COLEC11: variants seen among roughly 807,000 people sequenced by gnomAD.
The protein encoded by COLEC11 is collectin-11.
COLEC11 carries 20 observed loss-of-function variants against 27.3 expected under a neutral mutation model. The observed-to-expected ratio is 0.73, with a 90% confidence interval of 0.51 to 1.06. The LOEUF is 1.06. Among genes scored for constraint, COLEC11 ranks in the 50% least tolerant of loss-of-function variants. The pLI is 0.00. For synonymous variants in COLEC11, 163 were observed against 154.7 expected, an observed-to-expected ratio of 1.05 and a Z score of -0.40; for missense variants, 310 against 383.0, an observed-to-expected ratio of 0.81 and a Z score of 1.59.
chr2:3,642,346 T>C (rs1665932597), intron 5 of COLEC11, among the ~76,000 whole-genome samples: 1 of 152,104 alleles, frequency 6.6e-6, no homozygotes, highest in African/African-American at 2.4e-5. Context: ...CGGAATGAGC[T>C]CATTGAGAAT....
chr2:3,638,506 C>T (rs1665605469), intron 4 of COLEC11, among the ~76,000 whole-genome samples: 1 of 152,204 alleles, frequency 6.6e-6, no homozygotes, highest in African/African-American at 2.4e-5. Context: ...CTACCTCATT[C>T]ATCTGCCTCG....
chr2:3,616,626 G>T (rs992038395), intron 3 of COLEC11, among the ~76,000 whole-genome samples: 1 of 152,266 alleles, frequency 6.6e-6, no homozygotes, highest in Admixed American at 6.5e-5. Flanking sequence ...AGGCATGGCG[G>T]CGCACGCCTG....
At chr2:3,619,657 G>A (rs139730510) in intron 3 of COLEC11, among the ~76,000 whole-genome samples, 15 of 152,268 alleles carry the variant, frequency 9.9e-5, no homozygotes, top group Non-Finnish European at 1.8e-4. Context: ...ACGGAGTCTT[G>A]CTCTGTTGCC....
chr2:3,604,456 T>C lies in COLEC11; in HGVS notation c.116T>C (p.Val39Ala), dbSNP rs755250559. Reference sequence around the variant, plus strand: ...GACGCCTGCTCTGTGCAGATCCTCGTCCCTGGCCTCAAAGGTAACCGCTCC... The same window carrying C: ...GACGCCTGCTCTGTGCAGATCCTCGCCCCTGGCCTCAAAGGTAACCGCTCC... ...GDDACSVQIL[V>A]PGLKGDAGEK... Residue 39 changes from valine to alanine, a missense_variant, in exon 2 of 7, where the codon GTC (valine) becomes GCC (alanine). By Grantham distance (64) the Val-to-Ala change is moderately conservative. Coordinates refer to ENST00000349077, the MANE Select transcript of COLEC11 (RefSeq NM_024027.5). 2.7e-5 allele frequency: 43 copies of C among 1,613,984 alleles called. No individual in the cohort carries two copies. The South Asian group carries it at 4.6e-4, about 17-fold the overall frequency.
chr2:3,613,965 T>G (rs943125326), intron 3 of COLEC11, among the ~76,000 whole-genome samples: 8 of 70,004 alleles, frequency 1.1e-4, no homozygotes, highest in African/African-American at 2.6e-4. Flanking sequence ...GTTTTTTCTT[T>G]TTCTTTCTTT....
Position 3,602,814 on chromosome 2 carries a change from C to A in COLEC11, c.-26-1501C>A, listed in dbSNP as rs560592077. 6.6e-6 allele frequency among the ~76,000 whole-genome samples: 1 copy of A among 152,338 alleles called. No individual in the cohort carries two copies. Among genetic ancestry groups the A allele is most frequent in the Admixed American group, 6.5e-5 (1 of 15,302 alleles). On this transcript the variant is annotated intron_variant, in intron 1 of 6. Coordinates refer to ENST00000349077, the MANE Select transcript of COLEC11 (RefSeq NM_024027.5). The surrounding 1 kb of genome is among the most constrained non-coding windows in gnomAD (Gnocchi z 6.2). Reference sequence around the variant, plus strand: ...CAAGGCTTTCTCTGAGCCGCCCTCACCCACCTGTCAGCGAGGCTTCCCTGG... The same window carrying A: ...CAAGGCTTTCTCTGAGCCGCCCTCAACCACCTGTCAGCGAGGCTTCCCTGG...
chr2:3,598,047 T>G (rs924226156), intron 1 of COLEC11, among the ~76,000 whole-genome samples: 3 of 152,196 alleles, frequency 2.0e-5, no homozygotes, highest in African/African-American at 7.2e-5. Context: ...GCGATTCTCC[T>G]GCCTCAGCCT....
At chr2:3,641,279 G>A in intron 5 of COLEC11, 1 of 1,304,156 alleles carries the variant, frequency 7.7e-7, no homozygotes, top group Non-Finnish European at 1.0e-6. Context: ...ACGGCTGCTT[G>A]GAAGGTGTGC....
rs376562763 is a variant in COLEC11, at chr2:3,642,639, C to G, written c.329-805C>G. Among the ~76,000 whole-genome samples the G allele has an allele frequency of 2.6e-4, 39 of 152,374 alleles. 2 individuals are homozygous for G. In the East Asian group the frequency reaches 5.4e-3, roughly 21 times the overall value. ...CTCACGTGTGCAGCTCCCCAGAGTT[C>G]TGTACCCCGGGCCCCTGTCTTTCCC... On this transcript the variant is annotated intron_variant, in intron 5 of 6. Transcript: ENST00000349077.
rs3739147 is a variant in COLEC11 at position 3,606,254 on chromosome 2, T to C, written c.130+1784T>C. 1,083,303 of 1,548,874 alleles carry C rather than the reference T, an allele frequency of 0.7. 382,192 individuals are homozygous for C. Among genetic ancestry groups the C allele is most frequent in the South Asian group, 0.88 (74,248 of 84,028 alleles). On this transcript the variant is annotated intron_variant, in intron 2 of 6. Transcript: ENST00000349077. ...CCTGCGCCCTGCCAGGTCAGTAGCC[T>C]GCACTGGTGGGGGCCGTGGGGTGGG...
intron 3 of COLEC11, among the ~76,000 whole-genome samples, chr2:3,621,042 C>T (rs752951973): frequency 2.6e-5 from 4 of 152,152 alleles, no homozygotes; most frequent in Non-Finnish European, 5.9e-5. Flanking sequence ...TAGCTCCATT[C>T]GGTCTAAAGT....
intron 4 of COLEC11, among the ~76,000 whole-genome samples, chr2:3,639,687 A>G (rs1665701177): frequency 1.3e-5 from 2 of 152,198 alleles, no homozygotes; most frequent in African/African-American, 2.4e-5. Context: ...TTGGACGTTG[A>G]GGAGAACTGA....
intron 1 of COLEC11, among the ~76,000 whole-genome samples, chr2:3,598,163 T>C (rs1661986154): frequency 6.6e-6 from 1 of 152,176 alleles, no homozygotes; most frequent in Admixed American, 6.5e-5. Flanking sequence ...CTCGAACTCC[T>C]GACCTCAGGT....
intron 2 of COLEC11, chr2:3,605,057 G>A (rs957912742): frequency 1.0e-4 from 48 of 470,818 alleles, no homozygotes; most frequent in Non-Finnish European, 1.8e-4. Flanking sequence ...CTGAGGCTGC[G>A]GTATCTGAAG....
At chr2:3,643,602 G>A (rs774066821) in intron 6 of COLEC11, 63 bp downstream of exon 6, 130 of 1,597,044 alleles carry the variant, frequency 8.1e-5, no homozygotes, top group South Asian at 1.5e-4. Flanking sequence ...TGAGCCCCCC[G>A]GCAAGGGCTC....
At chr2:3,629,653 T>C (rs1437890011) in intron 3 of COLEC11, among the ~76,000 whole-genome samples, 1 of 152,172 alleles carries the variant, frequency 6.6e-6, no homozygotes, top group Non-Finnish European at 1.5e-5. Context: ...GTGTGAATAG[T>C]ATGTATGTGT....
intron 1 of COLEC11, chr2:3,603,265 T>C (rs1478522241): frequency 5.9e-6 from 1 of 169,430 alleles, no homozygotes; most frequent in Admixed American, 5.9e-5. Context: ...GCCTCTCCCT[T>C]CAAGTTGAGT....
At chr2:3,632,246 G>GC (rs1665068048) in intron 3 of COLEC11, among the ~76,000 whole-genome samples, 1 of 152,210 alleles carries the variant, frequency 6.6e-6, no homozygotes, top group African/African-American at 2.4e-5. Flanking sequence ...GAATCACGGG[G>GC]CACTGTGTTC....
At chr2:3,628,717 G>A (rs1034740458) in intron 3 of COLEC11, among the ~76,000 whole-genome samples, 1 of 152,244 alleles carries the variant, frequency 6.6e-6, no homozygotes, top group Non-Finnish European at 1.5e-5. Flanking sequence ...AAAAATCACC[G>A]AGGAAGCTGA....
Sources: gnomAD v4.1 joint callset for allele counts (sites outside exome capture counted in the v4.1 genomes callset) on GRCh38, gnomAD v4.1.1 for gene constraint, Gnocchi (gnomAD v3.1) non-coding constraint, MANE v1.5 for transcripts, NCBI Gene and HGNC (gene_info 2026-07-23, HGNC 2026-07-21) for gene names.